Variants in NFXL1 observed in about 807,000 individuals in gnomAD.
NFXL1 encodes the protein NF-X1-type zinc finger protein NFXL1.
In NFXL1, 66 loss-of-function variants were observed where a neutral mutation model predicts 123.3. That is an observed-to-expected ratio of 0.54 (90% CI 0.44 to 0.66). NFXL1 has a LOEUF of 0.66. NFXL1 is among the 30% of genes least tolerant of loss of function. The probability of loss-of-function intolerance (pLI) is 0.00; values close to 1 mark genes in which losing one functional copy is unlikely to be tolerated. For missense variants in NFXL1, 944 were observed against 1,125.6 expected, an observed-to-expected ratio of 0.84 and a Z score of 2.31; for synonymous variants, 346 against 360.8, an observed-to-expected ratio of 0.96 and a Z score of 0.46.
intron 3 of NFXL1, among the ~76,000 whole-genome samples, chr4:47,907,262 T>C (rs1440735180): frequency 6.6e-6 from 1 of 152,224 alleles, no homozygotes; most frequent in Admixed American, 6.5e-5. Context: ...TGAGCTAACA[T>C]GGGCAGAGGG....
intron 19 of NFXL1, among the ~76,000 whole-genome samples, chr4:47,856,681 T>C (rs1276342217): frequency 1.3e-5 from 2 of 152,210 alleles, no homozygotes; most frequent in Non-Finnish European, 2.9e-5. Flanking sequence ...GAGGCATTCA[T>C]ACTAAAACTA....
chr4:47,856,734 T>A (rs768054797), intron 19 of NFXL1, among the ~76,000 whole-genome samples: 5 of 152,210 alleles, frequency 3.3e-5, no homozygotes, highest in Admixed American at 1.3e-4. Flanking sequence ...AATCCTACTA[T>A]AGGGCAGAGA....
At chr4:47,860,255 T>C (rs555433192) in intron 19 of NFXL1, among the ~76,000 whole-genome samples, 1 of 152,070 alleles carries the variant, frequency 6.6e-6, no homozygotes, top group East Asian at 1.9e-4. Flanking sequence ...TTTGAACATT[T>C]AAAAAAAATA....
chr4:47,912,611 AC>A (rs1737887731), intron 2 of NFXL1, among the ~76,000 whole-genome samples: 1 of 147,364 alleles, frequency 6.8e-6, no homozygotes. Flanking sequence ...GGCGCCTGCC[AC>A]CCCGCCCGGC....
intron 18 of NFXL1, among the ~76,000 whole-genome samples, chr4:47,866,254 C>T (rs934226717): frequency 2.0e-5 from 3 of 151,992 alleles, no homozygotes; most frequent in African/African-American, 4.8e-5. Flanking sequence ...TCTTTAGACC[C>T]GGCAAAAGAA....
intron 16 of NFXL1, 117 bp downstream of exon 16, chr4:47,878,979 A>T: frequency 1.5e-6 from 1 of 678,350 alleles, no homozygotes; most frequent in East Asian, 3.0e-5. Flanking sequence ...TGTACTCTTT[A>T]TAACAGTAAA....
At chr4:47,892,972 A>AC (rs1282225719) in intron 11 of NFXL1, among the ~76,000 whole-genome samples, 1 of 152,174 alleles carries the variant, frequency 6.6e-6, no homozygotes, top group African/African-American at 2.4e-5. Flanking sequence ...AGCCTATCTC[A>AC]CATTCAAGTA....
chr4:47,898,746 T>C lies in NFXL1; in HGVS notation c.1089+11A>G. ...TTTAATACCCACCCCTCAAAATGCATATAAACTTACTTGATCACAGTGCCA... is the reference window on the plus strand; with the variant it reads ...TTTAATACCCACCCCTCAAAATGCACATAAACTTACTTGATCACAGTGCCA... On this transcript the variant is annotated intron_variant, in intron 8 of 22. Transcript: ENST00000507489. 6.8e-7 allele frequency: 1 copy of C among 1,461,126 alleles called. No individual in the cohort carries two copies. Among genetic ancestry groups the C allele is most frequent in the Non-Finnish European group, 9.6e-7 (1 of 1,040,822 alleles). The allele number at this position is 1,461,126 out of a possible 1,614,324, so 90.5% of individuals were successfully genotyped here.
Position 47,878,087 on chromosome 4 carries a change from G to A in NFXL1, c.2079+438C>T, listed in dbSNP as rs538798005. 3.3e-5 allele frequency among the ~76,000 whole-genome samples: 5 copies of A among 152,000 alleles called. No homozygotes were observed. The South Asian group carries it at 6.2e-4, about 19-fold the overall frequency. On this transcript the variant is annotated intron_variant, in intron 17 of 22. Transcript: ENST00000507489. ...TTATTTTACTTTTAACAAAAGATTG[G>A]GAATTTATTTAAATTTATTAAAATT...
chr4:47,877,443 A>T (rs1022566357), intron 17 of NFXL1, among the ~76,000 whole-genome samples: 1 of 152,108 alleles, frequency 6.6e-6, no homozygotes, highest in Non-Finnish European at 1.5e-5. Flanking sequence ...TCCACAATAA[A>T]TCTCTAATAG....
At chr4:47,875,065 T>C (rs1735665119) in intron 18 of NFXL1, 62 bp downstream of exon 18, 6 of 1,164,850 alleles carry the variant, frequency 5.2e-6, no homozygotes, top group South Asian at 2.8e-5. Flanking sequence ...GGTTCTTAAT[T>C]ATAAAAAGAT....
intron 19 of NFXL1, among the ~76,000 whole-genome samples, chr4:47,861,009 C>T (rs1438917755): frequency 3.7e-5 from 5 of 136,250 alleles, no homozygotes; most frequent in Non-Finnish European, 6.4e-5. Flanking sequence ...CATGCCACCA[C>T]GTCAGGCTAT....
chr4:47,885,900 G>T lies in NFXL1; in HGVS notation c.1643C>A (p.Pro548His), dbSNP rs781777725. The T allele has an allele frequency of 6.2e-7, 1 of 1,613,766 alleles. No individual in the cohort carries two copies. Among genetic ancestry groups the T allele is most frequent in the Non-Finnish European group, 8.5e-7 (1 of 1,179,836 alleles). Residue 548 changes from proline to histidine, a missense_variant, in exon 13 of 23, where the codon CCC (proline) becomes CAC (histidine). Around this residue, in one of 4 missense-constraint regions of NFXL1, gnomAD observed 296 missense variants for 395.1 expected, o/e 0.75. Coordinates refer to ENST00000507489, the MANE Select transcript of NFXL1 (RefSeq NM_001278624.2). Reference sequence around the variant, plus strand: ...TCACCTGCATTGCTCCTTGCACTTGGGTGGTCTTGTGGTACGTTCTCGGCC... The same window carrying T: ...TCACCTGCATTGCTCCTTGCACTTGTGTGGTCTTGTGGTACGTTCTCGGCC... ...PCGRERTTRP[P>H]KCKEQCSRPP...
At chr4:47,885,385 A>C (rs1339059156) in intron 14 of NFXL1, 113 bp downstream of exon 14, 1 of 861,818 alleles carries the variant, frequency 1.2e-6, no homozygotes, top group African/African-American at 1.7e-5. Flanking sequence ...CCCTGCTCCA[A>C]GCACAGTGCT....
intron 12 of NFXL1, among the ~76,000 whole-genome samples, chr4:47,888,264 C>T (rs750774223): frequency 2.0e-5 from 3 of 152,128 alleles, no homozygotes; most frequent in Non-Finnish European, 2.9e-5. Flanking sequence ...CAGAGAGAGA[C>T]TCCGTCTCAA....
chr4:47,909,899 G>A (rs1737742603), intron 3 of NFXL1, among the ~76,000 whole-genome samples: 1 of 152,112 alleles, frequency 6.6e-6, no homozygotes, highest in Non-Finnish European at 1.5e-5. Flanking sequence ...GACCTCAAGT[G>A]ATCCCCCGGC....
intron 10 of NFXL1, among the ~76,000 whole-genome samples, chr4:47,895,674 T>G (rs1256257174): frequency 6.6e-6 from 1 of 152,220 alleles, no homozygotes; most frequent in African/African-American, 2.4e-5. Context: ...ATAGTTACTT[T>G]GATCTTGTTT....
At chr4:47,862,155 G>C (rs1734804538) in intron 19 of NFXL1, among the ~76,000 whole-genome samples, 1 of 152,118 alleles carries the variant, frequency 6.6e-6, no homozygotes. Flanking sequence ...ATTATTACCA[G>C]GATAAATCAC....
chr4:47,868,755 T>C (rs1735256384), intron 18 of NFXL1, among the ~76,000 whole-genome samples: 1 of 152,208 alleles, frequency 6.6e-6, no homozygotes, highest in South Asian at 2.1e-4. Flanking sequence ...CTTACTTAAC[T>C]TGCCTACTAA....
Sources: allele counts gnomAD v4.1 joint callset (sites outside exome capture counted in the v4.1 genomes callset), GRCh38; gene constraint gnomAD v4.1.1; regional missense constraint gnomAD v4.1.1; transcripts MANE v1.5; gene names NCBI Gene and HGNC (gene_info 2026-07-23, HGNC 2026-07-21).